AGBL1: variants seen among roughly 807,000 people sequenced by gnomAD.
The protein encoded by AGBL1 is cytosolic carboxypeptidase 4.
A neutral mutation model predicts 118.9 loss-of-function variants in AGBL1; 130 were observed. The observed-to-expected ratio is 1.09, with a 90% CI of 0.95 to 1.26. The LOEUF is 1.26. Ranked by LOEUF, AGBL1 falls within the 50% of genes most tolerant of loss-of-function variation. The pLI is 0.00. For synonymous variants in AGBL1, 555 were observed against 478.9 expected (o/e 1.16, Z -2.08); for missense variants, 1,584 against 1,298.1 (o/e 1.22, Z -3.38).
chr15:86,891,609 T>C (rs1175281093), intron 22 of AGBL1, among the ~76,000 whole-genome samples: 1 of 149,296 alleles, frequency 6.7e-6, no homozygotes, highest in Non-Finnish European at 1.5e-5. Flanking sequence ...AGGGAGTGGG[T>C]ATCTTTTGAA....
chr15:86,621,770 A>C (rs1346121704), intron 21 of AGBL1, among the ~76,000 whole-genome samples: 4 of 152,218 alleles, frequency 2.6e-5, no homozygotes, highest in Non-Finnish European at 5.9e-5. Context: ...CTCAGTTTCC[A>C]GAATGGTTGT....
chr15:86,708,032 T>C (rs557913337), intron 22 of AGBL1, among the ~76,000 whole-genome samples: 6 of 152,266 alleles, frequency 3.9e-5, no homozygotes, highest in African/African-American at 1.4e-4. Flanking sequence ...TTCATTTTCC[T>C]TCTGTAGTCT....
At chr15:86,655,770 A>G (rs4377131) in intron 21 of AGBL1, among the ~76,000 whole-genome samples, 36,724 of 152,176 alleles carry the variant, frequency 0.24, 5,444 homozygotes, top group East Asian at 0.42. Flanking sequence ...GAAAGTGTAC[A>G]ATTTGGATAC....
At chr15:86,635,264 C>G (rs1286940671) in intron 21 of AGBL1, among the ~76,000 whole-genome samples, 1 of 83,742 alleles carries the variant, frequency 1.2e-5, no homozygotes, top group African/African-American at 5.0e-5. Flanking sequence ...CCCCCTCCCC[C>G]TCCTCCTCCT....
At chr15:86,986,356 A>G (rs2081282217) in intron 23 of AGBL1, among the ~76,000 whole-genome samples, 1 of 152,218 alleles carries the variant, frequency 6.6e-6, no homozygotes, top group South Asian at 2.1e-4. Context: ...AGCTTGTTAC[A>G]ACTATATACA....
chr15:86,714,472 G>T (rs2086607565), intron 22 of AGBL1, among the ~76,000 whole-genome samples: 1 of 152,184 alleles, frequency 6.6e-6, no homozygotes, highest in South Asian at 2.1e-4. Context: ...AGCAATGGCT[G>T]TCTTATCAAA....
intron 23 of AGBL1, among the ~76,000 whole-genome samples, chr15:86,975,113 GAT>G (rs1402390586): frequency 1.3e-5 from 2 of 151,922 alleles, no homozygotes; most frequent in Admixed American, 1.3e-4. Flanking sequence ...GGAGCAAAGA[GAT>G]AAAATGTCCC....
intron 18 of AGBL1, among the ~76,000 whole-genome samples, chr15:86,517,171 C>T (rs2083131955): frequency 1.3e-5 from 2 of 152,202 alleles, no homozygotes; most frequent in South Asian, 4.1e-4. Context: ...GCTAAAAGTC[C>T]TAAATATGTG....
intron 18 of AGBL1, among the ~76,000 whole-genome samples, chr15:86,402,601 C>G (rs1038088709): frequency 4.6e-5 from 7 of 152,074 alleles, no homozygotes. Flanking sequence ...ATTAGAGAAC[C>G]AAAACCTGAA....
intron 24 of AGBL1, among the ~76,000 whole-genome samples, chr15:87,011,042 T>G (rs73449190): frequency 0.099 from 15,079 of 152,260 alleles, 1,331 homozygotes; most frequent in African/African-American, 0.23. Context: ...ATAAACTAAA[T>G]TTTGTGAACT....
intron 22 of AGBL1, among the ~76,000 whole-genome samples, chr15:86,818,612 A>G (rs1029867924): frequency 1.3e-5 from 2 of 152,074 alleles, no homozygotes; most frequent in African/African-American, 2.4e-5. Context: ...ATATGGGAGC[A>G]TATCACCTAG....
intron 22 of AGBL1, among the ~76,000 whole-genome samples, chr15:86,708,977 A>G (rs1191757504): frequency 1.3e-5 from 2 of 152,150 alleles, no homozygotes; most frequent in African/African-American, 4.8e-5. Context: ...ATCCTTAACC[A>G]GCTTTTTAAG....
At chr15:86,211,387 C>T (rs2078095338) in intron 5 of AGBL1, among the ~76,000 whole-genome samples, 2 of 152,220 alleles carry the variant, frequency 1.3e-5, no homozygotes, top group Non-Finnish European at 1.5e-5. Flanking sequence ...CAGACAGGGA[C>T]ATTTAAGTCT....
At chr15:86,917,239 C>T (rs1432889877), downstream of AGBL1, among the ~76,000 whole-genome samples, 1 of 152,126 alleles carries the variant, frequency 6.6e-6, no homozygotes, top group African/African-American at 2.4e-5. The surrounding 1 kb of genome is among the most constrained non-coding windows in gnomAD (Gnocchi z 4.8). Context: ...ACCCACTCCT[C>T]ACTGACTCTT....
At chr15:86,546,657 A>C (rs1660014094) in intron 20 of AGBL1, among the ~76,000 whole-genome samples, 1 of 152,312 alleles carries the variant, frequency 6.6e-6, no homozygotes, top group Non-Finnish European at 1.5e-5. Context: ...AGAATTCTAT[A>C]AAAAGCAGAT....
chr15:86,399,853 A>G (rs2081419183), intron 18 of AGBL1, among the ~76,000 whole-genome samples: 1 of 152,162 alleles, frequency 6.6e-6, no homozygotes, highest in Non-Finnish European at 1.5e-5. Context: ...TTATGATATG[A>G]CTAAAATTAC....
At chr15:86,143,674 C>A in intron 2 of AGBL1, 25 bp from the exon 3 acceptor site, 1 of 1,610,768 alleles carries the variant, frequency 6.2e-7, no homozygotes, top group East Asian at 2.2e-5. Context: ...ACTTGTGGCT[C>A]ATCTTTCCTC....
At chr15:86,487,258 C>A (rs927112011) in intron 18 of AGBL1, among the ~76,000 whole-genome samples, 1 of 152,052 alleles carries the variant, frequency 6.6e-6, no homozygotes, top group Admixed American at 6.6e-5. Flanking sequence ...CGCATGAAAA[C>A]TTCTCTCTTC....
chr15:86,331,221 C>T (rs1209995047), intron 17 of AGBL1, among the ~76,000 whole-genome samples: 25 of 75,894 alleles, frequency 3.3e-4, no homozygotes, highest in Non-Finnish European at 4.1e-4. Flanking sequence ...GAGACTCCAT[C>T]TCAAAAAAAA....
Sources: allele counts gnomAD v4.1 joint callset (sites outside exome capture counted in the v4.1 genomes callset), GRCh38; gene constraint gnomAD v4.1.1; non-coding constraint Gnocchi (gnomAD v3.1); transcripts MANE v1.5; gene names NCBI Gene and HGNC (gene_info 2026-07-23, HGNC 2026-07-21).